KAZN: variants seen among roughly 807,000 people sequenced by gnomAD.
KAZN encodes the protein kazrin.
KAZN carries 40 observed loss-of-function variants against 87.4 expected under a neutral mutation model. The observed-to-expected ratio is 0.46, with a 90% CI of 0.36 to 0.60. The LOEUF (loss-of-function observed/expected upper bound fraction) is 0.60, where lower values mean the gene tolerates loss of function less well. Among genes scored for constraint, KAZN ranks in the 20% least tolerant of loss-of-function variants. The pLI is 0.00. For synonymous variants in KAZN, 466 were observed against 458.3 expected (o/e 1.02, Z -0.22); for missense variants, 898 against 1,073.9 (o/e 0.84, Z 2.29).
At chr1:14,226,407 A>C (rs779833458) in intron 2 of KAZN, among the ~76,000 whole-genome samples, 1 of 152,216 alleles carries the variant, frequency 6.6e-6, no homozygotes, top group Non-Finnish European at 1.5e-5. Context: ...ATTACTAAAA[A>C]GTGAAAAACA....
chr1:14,258,102 G>A (rs1329384717), intron 2 of KAZN, among the ~76,000 whole-genome samples: 1 of 151,496 alleles, frequency 6.6e-6, no homozygotes, highest in Non-Finnish European at 1.5e-5. Flanking sequence ...GAGAGCCTGA[G>A]ACCCTTCATC....
intron 2 of KAZN, among the ~76,000 whole-genome samples, chr1:14,337,893 CAAAAAAAAAAA>C (rs34909839): frequency 9.9e-6 from 1 of 100,580 alleles, no homozygotes; most frequent in Admixed American, 1.2e-4. Flanking sequence ...GACTCTGTCT[CAAAAAAAAAAA>C]AAAAAAAAGA....
chr1:14,460,096 T>C (rs146001847), intron 2 of KAZN, among the ~76,000 whole-genome samples: 45 of 152,302 alleles, frequency 3.0e-4, no homozygotes, highest in African/African-American at 1.1e-3. Flanking sequence ...TGGAAGGTGT[T>C]TGGATGCCCA....
chr1:13,951,925 C>G (rs1641362822), intron 1 of KAZN, among the ~76,000 whole-genome samples: 1 of 152,170 alleles, frequency 6.6e-6, no homozygotes, highest in African/African-American at 2.4e-5. Context: ...CCTGCCCTAG[C>G]TGTGCTATTT....
chr1:13,996,632 C>T (rs1639531316), intron 1 of KAZN, among the ~76,000 whole-genome samples: 1 of 152,218 alleles, frequency 6.6e-6, no homozygotes, highest in Non-Finnish European at 1.5e-5. Context: ...CATCTTTCCT[C>T]ACTGGGTGGG....
chr1:13,902,881 T>C (rs965445142), intron 1 of KAZN, among the ~76,000 whole-genome samples: 3 of 152,198 alleles, frequency 2.0e-5, no homozygotes, highest in African/African-American at 7.2e-5. Context: ...AGACAAGCTT[T>C]CCCTCCCATT....
rs148153692 is a variant in KAZN at position 14,523,054 on chromosome 1, A to T, written c.250-75929A>T. Among the ~76,000 whole-genome samples, 5 of 152,180 alleles carry T rather than the reference A, an allele frequency of 3.3e-5. No homozygotes were observed. The East Asian group carries it at 9.7e-4, about 29-fold the overall frequency. The stretch of plus-strand genomic sequence containing the variant: ...CTAGGCCACACTGGTTGCCATGGAG[A>T]CACTCATCGTCCTAGTCTACTGGTC... On this transcript the variant is annotated intron_variant, in intron 2 of 16. Transcript: ENST00000636203.
rs538628401 is a variant in KAZN at position 14,701,695 on chromosome 1, G to A, written c.226+102472G>A. Among the ~76,000 whole-genome samples the A allele has an allele frequency of 1.2e-4, 19 of 152,266 alleles. No homozygotes were observed. The South Asian group carries it at 3.9e-3, about 32-fold the overall frequency. On this transcript the variant is annotated intron_variant, in intron 1 of 14. Transcript: ENST00000376030. Reference sequence around the variant, plus strand: ...ACCTGTAGTCCCAGCTACTTGGGAGGCTGAGGTGGGAGGATTGCTTGAGCC... The same window carrying A: ...ACCTGTAGTCCCAGCTACTTGGGAGACTGAGGTGGGAGGATTGCTTGAGCC...
At chr1:14,426,909 C>G (rs1338044494) in intron 2 of KAZN, among the ~76,000 whole-genome samples, 4 of 152,182 alleles carry the variant, frequency 2.6e-5, no homozygotes, top group African/African-American at 9.6e-5. Flanking sequence ...CTTTCACATC[C>G]TTGGATTCTT....
At chr1:14,051,596 T>A (rs1172529692) in intron 1 of KAZN, among the ~76,000 whole-genome samples, 1 of 152,220 alleles carries the variant, frequency 6.6e-6, no homozygotes, top group Admixed American at 6.5e-5. Context: ...CTTACGCCTA[T>A]AATCCCAGCA....
chr1:14,246,199 A>G (rs539080842), intron 2 of KAZN, among the ~76,000 whole-genome samples: 63 of 152,290 alleles, frequency 4.1e-4, no homozygotes, highest in Admixed American at 7.2e-4. Flanking sequence ...TGGGAGGAGC[A>G]TCAGGAAAAA....
chr1:14,150,897 A>G (rs1188579292), intron 1 of KAZN, among the ~76,000 whole-genome samples: 1 of 152,230 alleles, frequency 6.6e-6, no homozygotes, highest in Non-Finnish European at 1.5e-5. Flanking sequence ...AATTTGGAAA[A>G]TACACAGAAA....
intron 1 of KAZN, among the ~76,000 whole-genome samples, chr1:13,986,275 A>G (rs1639010896): frequency 6.6e-6 from 1 of 152,244 alleles, no homozygotes; most frequent in East Asian, 1.9e-4. Context: ...AATTTGCATT[A>G]GGAACAAATC....
rs371527166 is a variant in KAZN at position 15,053,061 on chromosome 1, G to A, written c.727-3030G>A. Among the ~76,000 whole-genome samples the A allele has an allele frequency of 5.4e-4, 83 of 152,336 alleles. 1 individual carries two copies. The Middle Eastern group carries it at 0.01, about 19-fold the overall frequency. ...CATGTGGCTGGGAGTGTTTGCAGGA[G>A]GGGGAGCTGAGGGTTCATTCCTGCA... On this transcript the variant is annotated intron_variant, in intron 4 of 14. Coordinates refer to ENST00000376030, the MANE Select transcript of KAZN (RefSeq NM_201628.3).
At chr1:13,984,137 A>G (rs1198482894) in intron 1 of KAZN, among the ~76,000 whole-genome samples, 3 of 151,984 alleles carry the variant, frequency 2.0e-5, no homozygotes, top group African/African-American at 7.3e-5. Context: ...CAGCCTCCCC[A>G]GTAGCTGGGA....
chr1:15,065,641 T>C lies in KAZN; in HGVS notation c.1110T>C (p.Asp370=). The change falls in exon 8 of 15, where the codon GAT becomes GAC. Residue 370 remains aspartate (D), a synonymous_variant. Coordinates refer to ENST00000376030, the MANE Select transcript of KAZN (RefSeq NM_201628.3). ...LHNPIVQSLE[D]LEDQKRKKKK... ...TCCTGACTCCTCAGTCACTAGAGGATCTTGAAGACCAAAAACGGAAAAAGA... is the reference window on the plus strand; with the variant it reads ...TCCTGACTCCTCAGTCACTAGAGGACCTTGAAGACCAAAAACGGAAAAAGA... The C allele has an allele frequency of 6.2e-7, 1 of 1,612,946 alleles. No individual in the cohort carries two copies. Among genetic ancestry groups the C allele is most frequent in the Non-Finnish European group, 8.5e-7 (1 of 1,179,312 alleles).
intron 2 of KAZN, among the ~76,000 whole-genome samples, chr1:14,372,462 TCC>T (rs1349789818): frequency 4.6e-4 from 70 of 152,310 alleles, no homozygotes; most frequent in African/African-American, 1.5e-3. Context: ...TGAGGGGCTG[TCC>T]TGTATGTTGC....
intron 1 of KAZN, among the ~76,000 whole-genome samples, chr1:14,057,412 C>G (rs1328867273): frequency 6.6e-6 from 1 of 152,160 alleles, no homozygotes. Context: ...GGATTATAGG[C>G]GTGAGCCACC....
chr1:14,685,359 C>CCA (rs1640893000), intron 1 of KAZN, among the ~76,000 whole-genome samples: 1 of 152,192 alleles, frequency 6.6e-6, no homozygotes, highest in African/African-American at 2.4e-5. Flanking sequence ...CAATTCTGTG[C>CCA]CACTGGTCTG....
Sources: allele counts gnomAD v4.1 joint callset (sites outside exome capture counted in the v4.1 genomes callset), GRCh38; gene constraint gnomAD v4.1.1; transcripts MANE v1.5; gene names NCBI Gene and HGNC (gene_info 2026-07-23, HGNC 2026-07-21).